Variants in GLI3 observed in about 807,000 individuals in gnomAD.
GLI3 encodes the protein transcription activator GLI3.
GLI3 carries 20 observed loss-of-function variants against 100.8 expected under a neutral mutation model. The ratio of observed to expected loss-of-function variants is 0.20; its 90% CI spans 0.14 to 0.29. GLI3 has a LOEUF of 0.29. Ranked by LOEUF, GLI3 falls within the 10% of genes least tolerant of loss-of-function variation. The probability of loss-of-function intolerance (pLI) is 1.00; values close to 1 mark genes in which losing one functional copy is unlikely to be tolerated. For missense variants in GLI3, 2,040 were observed against 2,128.5 expected (o/e 0.96, Z 0.82); for synonymous variants, 938 against 860.5 (o/e 1.09, Z -1.58).
At chr7:42,039,926 C>A (rs1784096954) in intron 7 of GLI3, 112 bp downstream of exon 7, 2 of 825,786 alleles carry the variant, frequency 2.4e-6, no homozygotes, top group Non-Finnish European at 4.2e-6. Context: ...CAGCATCATG[C>A]ACTTTTATTC....
At chr7:42,167,738 C>A (rs899297217) in intron 2 of GLI3, among the ~76,000 whole-genome samples, 1 of 152,064 alleles carries the variant, frequency 6.6e-6, no homozygotes, top group Non-Finnish European at 1.5e-5. Context: ...ACTGCATTTG[C>A]CACAGGCTGA....
intron 10 of GLI3, among the ~76,000 whole-genome samples, chr7:42,016,228 G>A (rs1194295272): frequency 6.6e-6 from 1 of 152,118 alleles, no homozygotes; most frequent in East Asian, 1.9e-4. Flanking sequence ...ATGAACAGGA[G>A]AGATGGAATC....
In GLI3 at chr7:42,148,216, G is replaced by A. The variant is rs1308082200; in HGVS notation, c.367+10C>T. The A allele has an allele frequency of 6.2e-7, 1 of 1,605,654 alleles. No individual in the cohort carries two copies. The stretch of plus-strand genomic sequence containing the variant: ...CTCCTGAACAAGTGCCGACTGGCAT[G>A]GGCACTTACGGTAGTGGGGCTCCAT... On this transcript the variant is annotated intron_variant, in intron 3 of 14. Transcript: ENST00000395925.
chr7:42,007,344 C>T (rs1788486756), intron 10 of GLI3, among the ~76,000 whole-genome samples: 2 of 151,538 alleles, frequency 1.3e-5, no homozygotes, highest in South Asian at 4.2e-4. Flanking sequence ...CTCTTATGTG[C>T]TTGAAATAAA....
At chr7:42,032,589 T>C (rs901431721) in intron 7 of GLI3, among the ~76,000 whole-genome samples, 4 of 152,176 alleles carry the variant, frequency 2.6e-5, no homozygotes, top group African/African-American at 4.8e-5. Flanking sequence ...AAAGCCTATG[T>C]TTTTTAAATG....
upstream of GLI3, among the ~76,000 whole-genome samples, chr7:42,238,684 G>A (rs576857826): frequency 9.7e-4 from 147 of 151,986 alleles, no homozygotes; most frequent in South Asian, 4.4e-3. Flanking sequence ...CTCCTTCCTC[G>A]ACCATCCAGT....
At chr7:42,228,771 A>G (rs1788635140) in intron 1 of GLI3, among the ~76,000 whole-genome samples, 2 of 152,248 alleles carry the variant, frequency 1.3e-5, no homozygotes, top group East Asian at 1.9e-4. Flanking sequence ...CTGGCCCCCA[A>G]TGTGTTTTTC....
chr7:41,990,349 G>A (rs1187488047), intron 10 of GLI3, among the ~76,000 whole-genome samples: 2 of 152,092 alleles, frequency 1.3e-5, no homozygotes, highest in Non-Finnish European at 2.9e-5. Context: ...GGTATTACTA[G>A]TAAAGGATCT....
Position 42,049,983 on chromosome 7 carries a change from CG to C in GLI3, c.474-1288del, listed in dbSNP as rs574968240. 8.1e-4 allele frequency among the ~76,000 whole-genome samples: 124 copies of C among 152,282 alleles called. 1 individual carries two copies. The highest frequency in any genetic ancestry group is 2.8e-3 in the African/African-American group (118 of 41,568). On this transcript the variant is annotated intron_variant, in intron 4 of 14. Transcript: ENST00000395925. ...GCAAAGCAAATGCTCACGCACAGCC[CG>C]GCCCCCATCACCCTGTCAGAATATA... is the stretch of plus-strand genomic sequence containing the variant.
intron 4 of GLI3, among the ~76,000 whole-genome samples, chr7:42,056,006 T>C (rs1256487545): frequency 2.0e-5 from 3 of 152,054 alleles, no homozygotes; most frequent in Admixed American, 1.3e-4. Flanking sequence ...TGAGATCTGA[T>C]GGTTTTATAG....
rs887689076 is a variant in GLI3, at chr7:41,962,229, G to T, written c.*2101C>A. 1 of 152,226 alleles carries T rather than the reference G, an allele frequency of 6.6e-6. No individual in the cohort carries two copies. Among genetic ancestry groups the T allele is most frequent in the Non-Finnish European group, 1.5e-5 (1 of 68,050 alleles). 9.4% of individuals were successfully genotyped at this position (152,226 alleles called of 1,614,324 possible). On this transcript the variant is annotated 3_prime_UTR_variant, in exon 15 of 15. Transcript: ENST00000395925. ...AAGCTCCTTTCTTAGGAGGAGTGGAGAACACTCAGGCCCCATGCTTTGAAA... is the reference window on the plus strand; with the variant it reads ...AAGCTCCTTTCTTAGGAGGAGTGGATAACACTCAGGCCCCATGCTTTGAAA...
intron 3 of GLI3, among the ~76,000 whole-genome samples, chr7:42,120,892 CCG>C (rs1321388796): frequency 6.6e-6 from 1 of 152,292 alleles, no homozygotes; most frequent in East Asian, 1.9e-4. Context: ...TCTTGGATTG[CCG>C]CCTGCAAACC....
At chr7:42,012,994 C>G (rs898164275) in intron 10 of GLI3, among the ~76,000 whole-genome samples, 1 of 152,214 alleles carries the variant, frequency 6.6e-6, no homozygotes, top group African/African-American at 2.4e-5. Context: ...CCTAAAGAAA[C>G]ACCATGTCCC....
intron 2 of GLI3, among the ~76,000 whole-genome samples, chr7:42,221,214 G>A (rs1180618411): frequency 6.6e-6 from 1 of 152,138 alleles, no homozygotes; most frequent in East Asian, 1.9e-4. Flanking sequence ...AGGGAAACCC[G>A]AGGTCCAAGA....
intron 3 of GLI3, chr7:42,113,299 G>A (rs963707531): frequency 1.0e-5 from 6 of 595,640 alleles, no homozygotes; most frequent in South Asian, 3.0e-5. Flanking sequence ...CCCCCGGACC[G>A]ACCAAAGCCC....
chr7:41,964,627 T>C lies in GLI3; in HGVS notation c.4446A>G (p.Pro1482=), dbSNP rs1383173952. 6.2e-7 allele frequency: 1 copy of C among 1,613,716 alleles called. No individual in the cohort carries two copies. The highest frequency in any genetic ancestry group is 8.5e-7 in the Non-Finnish European group (1 of 1,179,666). The change falls in exon 15 of 15, where the codon CCA becomes CCG. Residue 1482 remains proline (P), a synonymous_variant. Coordinates refer to ENST00000395925, the MANE Select transcript of GLI3 (RefSeq NM_000168.6). The part of the protein sequence containing the change: ...TSAKNSELLS[P]GANQVTSTVD... ...CTGTGCTTGTCACCTGATTAGCACCTGGGGAAAGTAACTCAGAGTTTTTGG... is the reference window on the plus strand; with the variant it reads ...CTGTGCTTGTCACCTGATTAGCACCCGGGGAAAGTAACTCAGAGTTTTTGG...
chr7:41,995,132 G>C (rs1470349682), intron 10 of GLI3, among the ~76,000 whole-genome samples: 4 of 152,206 alleles, frequency 2.6e-5, no homozygotes, highest in African/African-American at 4.8e-5. Flanking sequence ...GCAAAATGAT[G>C]TCTGTATATT....
intron 2 of GLI3, among the ~76,000 whole-genome samples, chr7:42,190,799 G>A (rs1036795944): frequency 6.6e-6 from 1 of 151,964 alleles, no homozygotes; most frequent in Non-Finnish European, 1.5e-5. Flanking sequence ...TACAATACTA[G>A]CATATCAAGT....
intron 1 of GLI3, among the ~76,000 whole-genome samples, chr7:42,255,533 T>G (rs1249457645): frequency 1.3e-5 from 2 of 152,242 alleles, no homozygotes; most frequent in Non-Finnish European, 2.9e-5. Flanking sequence ...TATCCAAGTT[T>G]GCCTTTTAGG....
Sources: allele counts gnomAD v4.1 joint callset (sites outside exome capture counted in the v4.1 genomes callset), GRCh38; gene constraint gnomAD v4.1.1; transcripts MANE v1.5; gene names NCBI Gene and HGNC (gene_info 2026-07-23, HGNC 2026-07-21).